TIAM1: variants seen among roughly 807,000 people sequenced by gnomAD.
TIAM1 encodes rho guanine nucleotide exchange factor TIAM1.
In TIAM1, 65 loss-of-function variants were observed where a neutral mutation model predicts 163.5. That is an observed-to-expected ratio of 0.40 (90% CI 0.33 to 0.49). TIAM1 has a LOEUF of 0.49. Among genes scored for constraint, TIAM1 ranks in the 20% least tolerant of loss-of-function variants. The pLI, the probability that TIAM1 is intolerant of heterozygous loss-of-function variation, is 0.77. For synonymous variants in TIAM1, 833 were observed against 810.1 expected, an observed-to-expected ratio of 1.03 and a Z score of -0.48; for missense variants, 1,789 against 2,044.7, an observed-to-expected ratio of 0.87 and a Z score of 2.41.
At chr21:31,486,689 G>C (rs1308182790) in intron 1 of TIAM1, among the ~76,000 whole-genome samples, 5 of 152,222 alleles carry the variant, frequency 3.3e-5, no homozygotes, top group African/African-American at 1.2e-4. Context: ...AGGGGAACAG[G>C]CTGGGCCATC....
chr21:31,332,900 C>T (rs1466010164), intron 2 of TIAM1, among the ~76,000 whole-genome samples: 1 of 151,762 alleles, frequency 6.6e-6, no homozygotes, highest in African/African-American at 2.4e-5. Flanking sequence ...GAAGCAGAAA[C>T]ACTAAGAGTC....
chr21:31,376,921 C>T (rs1466903359), intron 2 of TIAM1, among the ~76,000 whole-genome samples: 2 of 151,818 alleles, frequency 1.3e-5, no homozygotes, highest in Admixed American at 6.6e-5. Context: ...TGCAGTGGCA[C>T]GATCTCAGCT....
chr21:31,385,902 A>G (rs141952836), intron 2 of TIAM1, among the ~76,000 whole-genome samples: 2 of 86,192 alleles, frequency 2.3e-5, no homozygotes, highest in African/African-American at 8.2e-5. Flanking sequence ...TATATTAGTT[A>G]ATATAATTAA....
chr21:31,207,839 C>G (rs1200196972), intron 11 of TIAM1, among the ~76,000 whole-genome samples: 2 of 152,192 alleles, frequency 1.3e-5, no homozygotes, highest in African/African-American at 4.8e-5. Flanking sequence ...ATCTGCCCTC[C>G]TCAGCCTCCC....
Position 31,403,946 on chromosome 21 carries a change from C to T in TIAM1, c.-369+60037G>A, listed in dbSNP as rs184485048. Among the ~76,000 whole-genome samples, 672 of 152,180 alleles carry T rather than the reference C, an allele frequency of 4.4e-3. 7 individuals are homozygous for T. Among genetic ancestry groups the T allele is most frequent in the African/African-American group, 0.015 (627 of 41,512 alleles). ...GTCTCAGCAAAGCGTGATGGGATCA[C>T]GGAGGCAGGAGCAATTAATCACAGG... On this transcript the variant is annotated intron_variant, in intron 2 of 28. Transcript: ENST00000286827.
At chr21:31,340,803 A>C (rs73355127) in intron 1 of TIAM1, among the ~76,000 whole-genome samples, 1,678 of 152,236 alleles carry the variant, frequency 0.011, 27 homozygotes, top group African/African-American at 0.039. Flanking sequence ...GCAAAAAAAA[A>C]GGAAAGAAAA....
chr21:31,141,692 T>G lies in TIAM1; in HGVS notation c.3476-188A>C, dbSNP rs534393671. Among the ~76,000 whole-genome samples, 1 of 152,116 alleles carries G rather than the reference T, an allele frequency of 6.6e-6. No individual in the cohort carries two copies. ...ACCACAGGCAGTCAGATCTATGTAT[T>G]TATGTGTTGGGGGTGGGGTGGGGAG... On this transcript the variant is annotated intron_variant, in intron 20 of 27. Coordinates refer to ENST00000541036, the MANE Select transcript of TIAM1 (RefSeq NM_001353694.2). This position sits in a 1 kb window ranked among gnomAD's most constrained non-coding sequence, Gnocchi z 4.7.
intron 19 of TIAM1, among the ~76,000 whole-genome samples, chr21:31,151,910 A>G (rs986253755): frequency 3.3e-5 from 5 of 152,078 alleles, no homozygotes; most frequent in Admixed American, 3.3e-4. Context: ...GGCTGCAAGG[A>G]CACCGTGTGC....
At position 31,182,653 on chromosome 21, in the gene TIAM1, C is replaced by A; in HGVS notation, c.2663-8G>T. 6.2e-7 allele frequency: 1 copy of A among 1,605,692 alleles called. No homozygotes were observed. Among genetic ancestry groups the A allele is most frequent in the Non-Finnish European group, 8.5e-7 (1 of 1,176,372 alleles). On this transcript the variant is annotated splice_region_variant and splice_polypyrimidine_tract_variant and intron_variant, in intron 14 of 27. Transcript: ENST00000541036. ...CATCTCCTGCTTTCAGGCCTGCCAA[C>A]GCAAGATGGAAAATTTTTAATTTCA...
intron 8 of TIAM1, among the ~76,000 whole-genome samples, chr21:31,223,066 C>G (rs527876786): frequency 8.5e-5 from 13 of 152,060 alleles, no homozygotes; most frequent in African/African-American, 2.4e-4. Context: ...ACCATTCCCA[C>G]CAAGTTTATA....
intron 2 of TIAM1, among the ~76,000 whole-genome samples, chr21:31,329,742 G>C (rs1427756459): frequency 6.6e-6 from 1 of 152,140 alleles, no homozygotes; most frequent in Non-Finnish European, 1.5e-5. Context: ...GCTGCCCAGT[G>C]ACTGCTGCCC....
chr21:31,496,732 G>A (rs1049454229), intron 1 of TIAM1, among the ~76,000 whole-genome samples: 10 of 151,976 alleles, frequency 6.6e-5, no homozygotes, highest in Admixed American at 4.6e-4. Flanking sequence ...CCCACTCACC[G>A]CAACTTCCAG....
At chr21:31,537,694 A>G (rs567337939) in intron 1 of TIAM1, among the ~76,000 whole-genome samples, 10 of 152,072 alleles carry the variant, frequency 6.6e-5, no homozygotes, top group African/African-American at 1.9e-4. Context: ...GGAGGTTGCC[A>G]TGATCCAAGA....
At chr21:31,555,107 T>C (rs188715670) in intron 1 of TIAM1, among the ~76,000 whole-genome samples, 5 of 152,310 alleles carry the variant, frequency 3.3e-5, no homozygotes, top group African/African-American at 1.2e-4. Context: ...TGCTGAGTAC[T>C]GCTTTATTTC....
intron 1 of TIAM1, among the ~76,000 whole-genome samples, chr21:31,544,246 TGTG>T (rs1328531610): frequency 1.3e-5 from 2 of 150,294 alleles, no homozygotes; most frequent in Non-Finnish European, 3.0e-5. Flanking sequence ...ATAGGCCACT[TGTG>T]GTGGCTCACG....
At chr21:31,470,536 T>C (rs2045703216) in intron 1 of TIAM1, among the ~76,000 whole-genome samples, 1 of 151,228 alleles carries the variant, frequency 6.6e-6, no homozygotes, top group Non-Finnish European at 1.5e-5. Context: ...TTTCACCATG[T>C]TGGTCAGGCT....
chr21:31,169,274 A>G (rs1216474425), intron 15 of TIAM1, among the ~76,000 whole-genome samples: 1 of 152,214 alleles, frequency 6.6e-6, no homozygotes, highest in Non-Finnish European at 1.5e-5. Context: ...AGCCTGGCAG[A>G]CTGAGTGAGA....
At chr21:31,223,375 G>A (rs1334895099) in intron 8 of TIAM1, 31 bp downstream of exon 8, 1 of 1,579,984 alleles carries the variant, frequency 6.3e-7, no homozygotes, top group East Asian at 2.3e-5. Context: ...CAAGCTTAAT[G>A]TTTTTCAAAA....
At chr21:31,546,060 TTTTAA>T (rs1385368618) in intron 1 of TIAM1, among the ~76,000 whole-genome samples, 2 of 121,408 alleles carry the variant, frequency 1.6e-5, no homozygotes, top group Non-Finnish European at 3.3e-5. Context: ...AAAAAAATTG[TTTTAA>T]TTTATTTTAA....
Sources: gnomAD v4.1 joint callset for allele counts (sites outside exome capture counted in the v4.1 genomes callset) on GRCh38, gnomAD v4.1.1 for gene constraint, Gnocchi (gnomAD v3.1) non-coding constraint, MANE v1.5 for transcripts, NCBI Gene and HGNC (gene_info 2026-07-23, HGNC 2026-07-21) for gene names.